CRB1: variants seen among roughly 807,000 people sequenced by gnomAD.
The protein encoded by CRB1 is crumbs cell polarity complex component 1, also known as protein crumbs homolog 1.
In CRB1, 83 loss-of-function variants were observed where a neutral mutation model predicts 120.0. That is an observed-to-expected ratio of 0.69 (90% CI 0.58 to 0.83). The LOEUF is 0.83. Among genes scored for constraint, CRB1 ranks in the 40% least tolerant of loss-of-function variants. The probability of loss-of-function intolerance (pLI) is 0.00; values close to 1 mark genes in which losing one functional copy is unlikely to be tolerated. For synonymous variants in CRB1, 625 were observed against 612.5 expected, an observed-to-expected ratio of 1.02 and a Z score of -0.30; for missense variants, 1,699 against 1,687.6, an observed-to-expected ratio of 1.01 and a Z score of -0.12.
intron 1 of CRB1, among the ~76,000 whole-genome samples, chr1:197,327,099 A>ACAAAC (rs1347355534): frequency 2.5e-3 from 196 of 76,890 alleles, no homozygotes; most frequent in South Asian, 4.8e-3. Context: ...ACCAAAAAAA[A>ACAAAC]AAAAAAAAAA....
chr1:197,251,685 T>C, the CRB1 span, among the ~76,000 whole-genome samples: 1 of 152,046 alleles, frequency 6.6e-6, no homozygotes, highest in African/African-American at 2.4e-5. Context: ...CTGTCAGAAA[T>C]TCCTTAAATT....
chr1:197,466,393 AT>A (rs950195156), intron 11 of CRB1, among the ~76,000 whole-genome samples: 5 of 152,022 alleles, frequency 3.3e-5, no homozygotes, highest in African/African-American at 1.2e-4. Flanking sequence ...ATAGGAGGCT[AT>A]TTTTTTTCAG....
intron 1 of CRB1, among the ~76,000 whole-genome samples, chr1:197,300,627 G>A (rs960577827): frequency 6.6e-6 from 1 of 152,194 alleles, no homozygotes; most frequent in Admixed American, 6.5e-5. Context: ...GAAGTAGCAG[G>A]TGCTAATGTA....
At chr1:197,404,441 C>CAAAAAAA (rs558125777) in intron 5 of CRB1, among the ~76,000 whole-genome samples, 2 of 58,716 alleles carry the variant, frequency 3.4e-5, no homozygotes, top group African/African-American at 5.9e-5. Flanking sequence ...GACTCCGTCT[C>CAAAAAAA]AAAAAAAAAA....
chr1:197,425,877 G>T (rs1664555918), intron 6 of CRB1, among the ~76,000 whole-genome samples: 1 of 151,716 alleles, frequency 6.6e-6, no homozygotes, highest in Non-Finnish European at 1.5e-5. Flanking sequence ...AATATGGTTT[G>T]GATGTATGCC....
At chr1:197,238,924 G>C in the CRB1 span, among the ~76,000 whole-genome samples, 1 of 151,782 alleles carries the variant, frequency 6.6e-6, no homozygotes, top group African/African-American at 2.4e-5. Context: ...GAAATCATAA[G>C]AAATATATCG....
At chr1:197,372,390 A>G (rs1283803896) in intron 5 of CRB1, among the ~76,000 whole-genome samples, 1 of 152,208 alleles carries the variant, frequency 6.6e-6, no homozygotes, top group African/African-American at 2.4e-5. Flanking sequence ...GAGCAACACT[A>G]ACCCCCAAAG....
chr1:197,328,896 A>C lies in CRB1; in HGVS notation c.545A>C (p.His182Pro). ...TGTGTCCCAGGATATCAAGGCAGAC[A>C]CTGCGACTTGGAAGTGGATGAATGT... is the stretch of plus-strand genomic sequence containing the variant. ...CFCVPGYQGRHCDLEVDECAS... is the reference protein window; with the variant it reads ...CFCVPGYQGRPCDLEVDECAS... Residue 182 changes from histidine (H) to proline (P), a missense_variant, in exon 2 of 12, where the codon CAC (histidine) becomes CCC (proline). By Grantham distance (77) the His-to-Pro change is moderately conservative (BLOSUM62 -2). Coordinates refer to ENST00000367400, the MANE Select transcript of CRB1 (RefSeq NM_201253.3). The C allele has an allele frequency of 6.2e-7, 1 of 1,614,254 alleles. No individual in the cohort carries two copies. The highest frequency in any genetic ancestry group is 1.1e-5 in the South Asian group (1 of 91,082).
chr1:197,229,846 G>A, the CRB1 span, among the ~76,000 whole-genome samples: 1 of 151,876 alleles, frequency 6.6e-6, no homozygotes, highest in Admixed American at 6.6e-5. Flanking sequence ...TTTAAGCAGG[G>A]TTTGGGGCAA....
chr1:197,428,039 G>T (rs758922365), intron 7 of CRB1, 38 bp downstream of exon 7: 5 of 1,572,570 alleles, frequency 3.2e-6, no homozygotes, highest in Non-Finnish European at 2.6e-6. Flanking sequence ...TATACTGTAT[G>T]CTAAACTTTT....
chr1:197,427,861 G>A lies in CRB1; in HGVS notation c.2536G>A (p.Gly846Arg), dbSNP rs539189291. Residue 846 changes from glycine (G) to arginine (R), a missense_variant, in exon 7 of 12, where the codon GGA becomes AGA. By Grantham distance (125) the Gly-to-Arg change is moderately radical. Transcript: ENST00000367400. ...PDKQETELNGGFFKGCIQDVR... is the reference protein window; with the variant it reads ...PDKQETELNGRFFKGCIQDVR... ...CAAGCAAGAGACTGAACTTAATGGT[G>A]GATTCTTCAAAGGCTGTATCCAAGA... 8 of 1,613,944 alleles carry A rather than the reference G, an allele frequency of 5.0e-6. No individual in the cohort carries two copies. In the South Asian group the frequency reaches 6.6e-5, roughly 13 times the overall value.
At chr1:197,405,985 C>G (rs1347590153) in intron 5 of CRB1, among the ~76,000 whole-genome samples, 4 of 151,426 alleles carry the variant, frequency 2.6e-5, no homozygotes, top group South Asian at 2.1e-4. Context: ...CCAGCCGCCC[C>G]GTCCGGGAGG....
At chr1:197,442,019 C>T (rs980057525) in intron 10 of CRB1, 147 bp from the exon 11 acceptor site, 12 of 914,016 alleles carry the variant, frequency 1.3e-5, no homozygotes, top group Non-Finnish European at 2.1e-5. Flanking sequence ...GAAACATCTC[C>T]GACATTATCA....
intron 11 of CRB1, among the ~76,000 whole-genome samples, chr1:197,465,830 A>G (rs962959131): frequency 2.0e-5 from 3 of 152,244 alleles, no homozygotes; most frequent in African/African-American, 7.2e-5. Context: ...GAGAAGGTGC[A>G]AGGTATAGAC....
rs117502152 is a variant in CRB1 at position 197,391,618 on chromosome 1, G to C, written c.1172-29382G>C. 7.2e-4 allele frequency among the ~76,000 whole-genome samples: 109 copies of C among 152,170 alleles called. No individual in the cohort carries two copies. The East Asian group carries it at 0.02, about 28-fold the overall frequency. On this transcript the variant is annotated intron_variant, in intron 5 of 11. Coordinates refer to ENST00000367400, the MANE Select transcript of CRB1 (RefSeq NM_201253.3). ...CACAGTGGCAGGCATCTTTACTTCTGATAGTTGCATCCTGGAACTTTATAA... is the reference window on the plus strand; with the variant it reads ...CACAGTGGCAGGCATCTTTACTTCTCATAGTTGCATCCTGGAACTTTATAA...
intron 1 of CRB1, among the ~76,000 whole-genome samples, chr1:197,292,936 C>T (rs1208890152): frequency 2.6e-5 from 4 of 152,090 alleles, no homozygotes; most frequent in Non-Finnish European, 5.9e-5. Context: ...CTGTTTATGA[C>T]AAACCCACAG....
At chr1:197,264,232 T>C (rs563605383), upstream of CRB1, among the ~76,000 whole-genome samples, 124 of 152,324 alleles carry the variant, frequency 8.1e-4, 1 homozygote, top group African/African-American at 2.9e-3. Flanking sequence ...CGGTATTTGT[T>C]TTTCTGTGTC....
intron 5 of CRB1, among the ~76,000 whole-genome samples, chr1:197,388,679 A>G (rs1483976361): frequency 1.3e-5 from 2 of 152,162 alleles, no homozygotes; most frequent in African/African-American, 2.4e-5. Context: ...GTAGAAATCA[A>G]TCACACATTT....
chr1:197,453,357 A>G (rs967284704), intron 11 of CRB1, among the ~76,000 whole-genome samples: 2 of 147,566 alleles, frequency 1.4e-5, no homozygotes, highest in African/African-American at 4.9e-5. Context: ...TAATTAAATT[A>G]ATATACATAA....
Sources: gnomAD v4.1 joint callset for allele counts (sites outside exome capture counted in the v4.1 genomes callset) on GRCh38, gnomAD v4.1.1 for gene constraint, MANE v1.5 for transcripts, NCBI Gene and HGNC (gene_info 2026-07-23, HGNC 2026-07-21) for gene names.